PPM1L: variants seen among roughly 807,000 people sequenced by gnomAD.
The protein encoded by PPM1L is protein phosphatase 1L.
PPM1L carries 13 observed loss-of-function variants against 31.4 expected under a neutral mutation model. That is an observed-to-expected ratio of 0.41 (90% CI 0.27 to 0.66). The LOEUF (loss-of-function observed/expected upper bound fraction) is 0.66. PPM1L is among the 30% of genes least tolerant of loss of function. The pLI is 0.29. For missense variants in PPM1L, 326 were observed against 453.7 expected (o/e 0.72, Z 2.56); for synonymous variants, 184 against 175.4 (o/e 1.05, Z -0.39).
chr3:160,969,564 T>G (rs1244554575), intron 2 of PPM1L, among the ~76,000 whole-genome samples: 1 of 152,204 alleles, frequency 6.6e-6, no homozygotes, highest in African/African-American at 2.4e-5. Context: ...TGCAGGAAGT[T>G]CTTCACTCCA....
At chr3:160,872,233 T>C (rs1033838443) in intron 1 of PPM1L, among the ~76,000 whole-genome samples, 1 of 152,110 alleles carries the variant, frequency 6.6e-6, no homozygotes, top group Non-Finnish European at 1.5e-5. Context: ...GTTTAGGGGG[T>C]TATTTATAGC....
At chr3:160,777,945 T>G (rs573757797) in intron 1 of PPM1L, among the ~76,000 whole-genome samples, 1 of 152,342 alleles carries the variant, frequency 6.6e-6, no homozygotes, top group East Asian at 1.9e-4. Context: ...ACTGCCATAC[T>G]GTTTTCCATA....
intron 1 of PPM1L, among the ~76,000 whole-genome samples, chr3:160,932,032 A>C (rs1714805552): frequency 6.6e-6 from 1 of 152,114 alleles, no homozygotes; most frequent in South Asian, 2.1e-4. Flanking sequence ...CAGTTCTTCC[A>C]CTAATTTATT....
chr3:161,012,850 G>C (rs1357150654), intron 2 of PPM1L, among the ~76,000 whole-genome samples: 1 of 152,124 alleles, frequency 6.6e-6, no homozygotes, highest in East Asian at 1.9e-4. Context: ...ATTTCTGTGG[G>C]ATCGGTGGTG....
intron 1 of PPM1L, among the ~76,000 whole-genome samples, chr3:160,904,910 A>T (rs1291869884): frequency 6.6e-6 from 1 of 152,018 alleles, no homozygotes; most frequent in African/African-American, 2.4e-5. Context: ...CCTCAGTTAT[A>T]TTGGTTGCCT....
intron 2 of PPM1L, among the ~76,000 whole-genome samples, chr3:161,050,702 T>G (rs1476336303): frequency 1.3e-5 from 2 of 152,186 alleles, no homozygotes. Flanking sequence ...CTATAATTAA[T>G]GTCCTTGTAA....
At chr3:160,852,694 A>G (rs1711563289) in intron 1 of PPM1L, among the ~76,000 whole-genome samples, 1 of 152,240 alleles carries the variant, frequency 6.6e-6, no homozygotes, top group South Asian at 2.1e-4. Context: ...ATGACTGTAC[A>G]ATCAGCAACT....
At chr3:160,935,372 T>C (rs557451262) in intron 1 of PPM1L, among the ~76,000 whole-genome samples, 1 of 152,286 alleles carries the variant, frequency 6.6e-6, no homozygotes, top group African/African-American at 2.4e-5. Context: ...CAGGGTAACC[T>C]TTCTGGAGGT....
chr3:160,764,758 A>G (rs28435386), intron 1 of PPM1L, among the ~76,000 whole-genome samples: 2,506 of 152,226 alleles, frequency 0.016, 64 homozygotes, highest in African/African-American at 0.057. Flanking sequence ...ATGTGCCACC[A>G]CGCCTGGCCT....
intron 1 of PPM1L, among the ~76,000 whole-genome samples, chr3:160,862,705 A>ACACAC (rs1560130395): frequency 0.02 from 1,703 of 83,874 alleles, 27 homozygotes; most frequent in African/African-American, 0.03. Flanking sequence ...CACACACACA[A>ACACAC]AATTCTGAAA....
At chr3:160,992,117 T>A (rs189689027) in intron 2 of PPM1L, among the ~76,000 whole-genome samples, 2 of 152,248 alleles carry the variant, frequency 1.3e-5, no homozygotes, top group African/African-American at 4.8e-5. Context: ...GAAATCTATA[T>A]CTCCAGAACC....
At chr3:161,065,071 T>C (rs1719684530) in intron 2 of PPM1L, among the ~76,000 whole-genome samples, 1 of 152,040 alleles carries the variant, frequency 6.6e-6, no homozygotes, top group Non-Finnish European at 1.5e-5. Context: ...CAAAAGTGTG[T>C]ATCAGTTGAC....
At chr3:160,759,685 G>A (rs995783274) in intron 1 of PPM1L, among the ~76,000 whole-genome samples, 4 of 152,096 alleles carry the variant, frequency 2.6e-5, no homozygotes, top group East Asian at 1.9e-4. Flanking sequence ...AGAGTGTTAC[G>A]GTGACACAGA....
intron 2 of PPM1L, among the ~76,000 whole-genome samples, chr3:161,046,042 C>T (rs1197724861): frequency 1.0e-4 from 13 of 128,206 alleles, no homozygotes; most frequent in African/African-American, 1.8e-4. Context: ...ACCCAGGAGG[C>T]GGAGGTTGCA....
chr3:161,006,631 G>T (rs1374842350), intron 2 of PPM1L, among the ~76,000 whole-genome samples: 1 of 144,432 alleles, frequency 6.9e-6, no homozygotes, highest in Non-Finnish European at 1.5e-5. Flanking sequence ...TTACTCTGGT[G>T]TTTAAAGCTT....
At chr3:160,813,725 A>T (rs1452286848) in intron 1 of PPM1L, among the ~76,000 whole-genome samples, 1 of 152,184 alleles carries the variant, frequency 6.6e-6, no homozygotes, top group Non-Finnish European at 1.5e-5. Flanking sequence ...TACTTCTATA[A>T]CAAAGTTTAG....
chr3:160,948,747 A>T (rs1396827255), intron 1 of PPM1L, among the ~76,000 whole-genome samples: 1 of 152,160 alleles, frequency 6.6e-6, no homozygotes, highest in Non-Finnish European at 1.5e-5. Context: ...TTGAAAGGCC[A>T]TGTAGGAACG....
intron 2 of PPM1L, among the ~76,000 whole-genome samples, chr3:160,986,609 C>T (rs1026157868): frequency 6.6e-6 from 1 of 152,178 alleles, no homozygotes; most frequent in Non-Finnish European, 1.5e-5. Flanking sequence ...GTTTTTCCCA[C>T]ATCTTTGGCA....
At chr3:161,068,765 T>A (rs200040794) in intron 3 of PPM1L, 46 bp from the exon 4 acceptor site, 2 of 1,430,866 alleles carry the variant, frequency 1.4e-6, no homozygotes, top group African/African-American at 2.8e-5. Flanking sequence ...CCCAGGTAAG[T>A]GAGATATCAG....
Sources: gnomAD v4.1 joint callset for allele counts (sites outside exome capture counted in the v4.1 genomes callset) on GRCh38, gnomAD v4.1.1 for gene constraint, MANE v1.5 for transcripts, NCBI Gene and HGNC (gene_info 2026-07-23, HGNC 2026-07-21) for gene names.